The following AIM2 variants were observed in gnomAD, a reference collection of about 807,000 sequenced individuals.
AIM2 encodes the protein interferon-inducible protein AIM2.
Under a neutral mutation model 27.7 loss-of-function variants are expected in AIM2, and 30 were observed. The observed-to-expected ratio is 1.08, with a 90% CI of 0.81 to 1.47. AIM2 has a LOEUF of 1.47. AIM2 is among the 40% of genes most tolerant of loss of function. The probability of loss-of-function intolerance (pLI) is 0.00; values close to 1 mark genes in which losing one functional copy is unlikely to be tolerated. For missense variants in AIM2, 358 were observed against 411.3 expected (o/e 0.87, Z 1.12); for synonymous variants, 141 against 145.3 (o/e 0.97, Z 0.21).
intron 3 of AIM2, among the ~76,000 whole-genome samples, chr1:159,068,011 CT>C (rs1356467032): frequency 6.6e-6 from 1 of 151,968 alleles, no homozygotes; most frequent in Non-Finnish European, 1.5e-5. Context: ...AAGCAATTTG[CT>C]GTCAAGAACC....
At chr1:159,120,289 T>C (rs1442407114) in intron 1 of AIM2, among the ~76,000 whole-genome samples, 1 of 152,202 alleles carries the variant, frequency 6.6e-6, no homozygotes, top group African/African-American at 2.4e-5. Flanking sequence ...TAAAAGGTCC[T>C]GTGTGCAAAA....
At position 159,133,666 on chromosome 1, in the gene AIM2, A is replaced by G. The variant is rs1017565511; in HGVS notation, c.-16+6765T>C. Among the ~76,000 whole-genome samples the G allele has an allele frequency of 5.9e-5, 9 of 152,298 alleles. No individual in the cohort carries two copies. The South Asian group carries it at 6.2e-4, about 11-fold the overall frequency. On this transcript the variant is annotated intron_variant, in intron 1 of 2. Coordinates refer to the AIM2 transcript ENST00000368129. ...TCATCACTACTGACTTCTCAGCAGC[A>G]TAGGATACTCAAACAAGTTTCTTCT...
chr1:159,091,094 T>A (rs2102008848), intron 1 of AIM2, among the ~76,000 whole-genome samples: 1 of 152,308 alleles, frequency 6.6e-6, no homozygotes, highest in East Asian at 1.9e-4. Flanking sequence ...GAAACCTCAA[T>A]CCTAATGCTA....
At chr1:159,124,293 G>C (rs1466976654) in intron 1 of AIM2, among the ~76,000 whole-genome samples, 1 of 152,208 alleles carries the variant, frequency 6.6e-6, no homozygotes, top group African/African-American at 2.4e-5. Context: ...CTGCAATGCA[G>C]TTCGATATGG....
At chr1:159,126,790 T>C (rs976058322) in intron 1 of AIM2, among the ~76,000 whole-genome samples, 6 of 152,028 alleles carry the variant, frequency 3.9e-5, no homozygotes, top group Non-Finnish European at 8.8e-5. Context: ...CTAGGAGATA[T>C]AAGATTATTC....
intron 1 of AIM2, among the ~76,000 whole-genome samples, chr1:159,129,118 A>G (rs1647802317): frequency 1.3e-5 from 2 of 152,196 alleles, no homozygotes; most frequent in South Asian, 2.1e-4. Context: ...CTGGAATCCA[A>G]TGGCAGGCAT....
intron 1 of AIM2, among the ~76,000 whole-genome samples, chr1:159,105,845 G>A (rs188991301): frequency 2.9e-4 from 44 of 152,212 alleles, no homozygotes; most frequent in East Asian, 1.2e-3. Flanking sequence ...AAAAAGCACC[G>A]TAAGTTCTCA....
chr1:159,133,354 A>T (rs965904411), intron 1 of AIM2, among the ~76,000 whole-genome samples: 1 of 152,216 alleles, frequency 6.6e-6, no homozygotes, highest in Admixed American at 6.5e-5. Context: ...TCATAATGCT[A>T]TTCTCTCTCA....
In AIM2 at chr1:159,065,990, C is replaced by G. The variant is rs1439204476; in HGVS notation, c.736G>C (p.Ala246Pro). ...VNVPLNIIRKAGETPKINTLQ... is the reference protein window; with the variant it reads ...VNVPLNIIRKPGETPKINTLQ... ...GTGTTGATCTTCGGGGTTTCACCAG[C>G]TTTTCTGATAATGTTCAGCGGGACA... The change falls in exon 4 of 6, where the codon GCT becomes CCT. Residue 246 changes from alanine (A) to proline (P), a missense_variant. By Grantham distance (27) the Ala-to-Pro change is conservative. Transcript: ENST00000368130. The G allele has an allele frequency of 1.9e-6, 3 of 1,613,932 alleles. No individual in the cohort carries two copies. Among genetic ancestry groups the G allele is most frequent in the Admixed American group, 1.7e-5 (1 of 60,002 alleles).
At chr1:159,142,622 A>T (rs1648136801), upstream of AIM2, among the ~76,000 whole-genome samples, 1 of 152,148 alleles carries the variant, frequency 6.6e-6, no homozygotes, top group Non-Finnish European at 1.5e-5. Flanking sequence ...TGCTTTTTAC[A>T]ACTATCCTAG....
chr1:159,118,621 A>G (rs1647448444), intron 1 of AIM2, among the ~76,000 whole-genome samples: 1 of 152,190 alleles, frequency 6.6e-6, no homozygotes, highest in South Asian at 2.1e-4. Flanking sequence ...ATTCTAATAG[A>G]ATATTAGCAA....
chr1:159,136,437 C>T (rs1488663218), intron 1 of AIM2, among the ~76,000 whole-genome samples: 1 of 152,148 alleles, frequency 6.6e-6, no homozygotes, highest in Non-Finnish European at 1.5e-5. Flanking sequence ...AGACTTAGTG[C>T]ATGTCTACAT....
At chr1:159,061,336 T>G (rs1483690090), downstream of AIM2, among the ~76,000 whole-genome samples, 1 of 152,184 alleles carries the variant, frequency 6.6e-6, no homozygotes, top group African/African-American at 2.4e-5. Context: ...TTTTAAACAT[T>G]TAATTGGTTG....
At chr1:159,098,637 G>A (rs1173913135) in intron 1 of AIM2, among the ~76,000 whole-genome samples, 2 of 152,120 alleles carry the variant, frequency 1.3e-5, no homozygotes, top group Non-Finnish European at 2.9e-5. Flanking sequence ...AGAAAAACAC[G>A]GGATGCTGAA....
At chr1:159,145,934 C>T (rs1439027558) in intron 1 of AIM2, among the ~76,000 whole-genome samples, 1 of 152,066 alleles carries the variant, frequency 6.6e-6, no homozygotes, top group Non-Finnish European at 1.5e-5. Context: ...GGTGAAACCC[C>T]ATCTCTACTA....
At chr1:159,127,959 A>C (rs1484582776) in intron 1 of AIM2, among the ~76,000 whole-genome samples, 1 of 152,218 alleles carries the variant, frequency 6.6e-6, no homozygotes, top group Non-Finnish European at 1.5e-5. Flanking sequence ...TCTGCCCATC[A>C]GTCTCTGCTG....
chr1:159,109,125 AT>A (rs1657513450), intron 1 of AIM2, among the ~76,000 whole-genome samples: 1 of 152,170 alleles, frequency 6.6e-6, no homozygotes, highest in South Asian at 2.1e-4. Flanking sequence ...AGGCATCAAT[AT>A]TACCTGATTT....
intron 1 of AIM2, among the ~76,000 whole-genome samples, chr1:159,117,264 C>T (rs549282436): frequency 6.6e-6 from 1 of 152,028 alleles, no homozygotes; most frequent in African/African-American, 2.4e-5. Context: ...GGCCAAGAAT[C>T]GACAAAAAGT....
rs1378358357 is a variant in AIM2 at position 159,063,540 on chromosome 1, C to A, written c.951G>T (p.Leu317=). 1 of 1,613,810 alleles carries A rather than the reference C, an allele frequency of 6.2e-7. No individual in the cohort carries two copies. The highest frequency in any genetic ancestry group is 1.3e-5 in the African/African-American group (1 of 74,904). The change falls in exon 5 of 6, where the codon CTG becomes CTT. Residue 317 remains leucine (L), a synonymous_variant. Coordinates refer to ENST00000368130, the MANE Select transcript of AIM2 (RefSeq NM_004833.3). ...GCTGTAGTTTTTCTCCATTTTTTGA[C>A]AGTGTGAAGAATGTAAGTCGAACCT... ...GDKVRLTFFT[L]SKNGEKLQLT... is the part of the protein sequence containing the mutation.
Sources: allele counts gnomAD v4.1 joint callset (sites outside exome capture counted in the v4.1 genomes callset), GRCh38; gene constraint gnomAD v4.1.1; transcripts MANE v1.5; gene names NCBI Gene and HGNC (gene_info 2026-07-23, HGNC 2026-07-21).